Variants in CIC observed in about 807,000 individuals in gnomAD.
CIC encodes protein capicua homolog.
A neutral mutation model predicts 115.7 loss-of-function variants in CIC; 18 were observed. The ratio of observed to expected loss-of-function variants is 0.16; its 90% CI spans 0.11 to 0.23. The LOEUF (loss-of-function observed/expected upper bound fraction) is 0.23. Among genes scored for constraint, CIC ranks in the 10% least tolerant of loss-of-function variants. The pLI, the probability that CIC is intolerant of heterozygous loss-of-function variation, is 1.00. For missense variants in CIC, 2,000 were observed against 2,159.3 expected (o/e 0.93, Z 1.46); for synonymous variants, 1,076 against 923.0 (o/e 1.17, Z -3.01).
intron 19 of CIC, 23 bp from the exon 20 acceptor site, chr19:42,294,581 C>T (rs759117136): frequency 1.2e-6 from 2 of 1,612,544 alleles, no homozygotes; most frequent in South Asian, 2.2e-5. Context: ...GCAGCCTTGC[C>T]ATGCTGCCTG....
intron 1 of CIC, among the ~76,000 whole-genome samples, chr19:42,269,865 TG>T (rs1410474516): frequency 2.0e-5 from 3 of 151,570 alleles, no homozygotes; most frequent in African/African-American, 7.3e-5. Flanking sequence ...GGAGGGCTAA[TG>T]GGAACAGAGG....
chr19:42,283,381 G>T (rs1267474847), intron 2 of CIC, among the ~76,000 whole-genome samples: 1 of 152,130 alleles, frequency 6.6e-6, no homozygotes, highest in African/African-American at 2.4e-5. Context: ...ATGTGAACAG[G>T]ATGGGTGAAT....
chr19:42,295,697 G>C lies in CIC; in HGVS notation c.*506G>C. 4.3e-6 allele frequency: 1 copy of C among 231,698 alleles called. No homozygotes were observed. Among genetic ancestry groups the C allele is most frequent in the Non-Finnish European group, 8.5e-6 (1 of 117,220 alleles). The allele number at this position is 231,698 out of a possible 1,614,324, so 14.4% of individuals were successfully genotyped here. A position where few individuals can be genotyped will look rare whatever the true frequency, so the allele number is the denominator to read the frequency against. On this transcript the variant is annotated 3_prime_UTR_variant, in exon 21 of 21. Transcript: ENST00000681038. ...ACTTTCTAAGAAGGTGATTCCCCCT[G>C]CCCTTGCCCCCTTCCCCAGAACAAA...
rs2037498617 is a variant in CIC, at chr19:42,284,744, G to T, written c.2795-2027G>T. The T allele has an allele frequency of 1.9e-6, 3 of 1,557,264 alleles. No homozygotes were observed. In the East Asian group the frequency reaches 7.1e-5, roughly 37 times the overall value. On this transcript the variant is annotated intron_variant, in intron 2 of 20. Coordinates refer to ENST00000681038, the MANE Select transcript of CIC (RefSeq NM_001386298.1). ...CAGGCCCCTGATGCCCGCGTCCAGCGCGGCCTCCCGTGGCCTCGGCATGTT... is the reference window on the plus strand; with the variant it reads ...CAGGCCCCTGATGCCCGCGTCCAGCTCGGCCTCCCGTGGCCTCGGCATGTT...
intron 2 of CIC, among the ~76,000 whole-genome samples, chr19:42,283,806 A>C (rs924432030): frequency 6.6e-6 from 1 of 151,218 alleles, no homozygotes; most frequent in African/African-American, 2.4e-5. Context: ...CCTCCCTGCC[A>C]CCCTCCTACC....
chr19:42,272,333 G>T lies in CIC; in HGVS notation c.550G>T (p.Gly184Cys), dbSNP rs576057417. Reference sequence around the variant, plus strand: ...GGAGGATGAGCCGGCTGAGGCTTGTGGTCCAGGCCCTTGGCCCCCTGGCAG... The same window carrying T: ...GGAGGATGAGCCGGCTGAGGCTTGTTGTCCAGGCCCTTGGCCCCCTGGCAG... ...DLEDEPAEAC[G>C]PGPWPPGSTS... Residue 184 changes from glycine (G) to cysteine (C), a missense_variant, in exon 2 of 21, where the codon GGT (glycine) becomes TGT (cysteine). Coordinates refer to ENST00000681038, the MANE Select transcript of CIC (RefSeq NM_001386298.1). 8.5e-5 allele frequency: 34 copies of T among 398,546 alleles called. No homozygotes were observed. The highest frequency in any genetic ancestry group is 1.3e-3 in the Middle Eastern group (2 of 1,588). The allele number at this position is 398,546 out of a possible 1,614,324, so 24.7% of individuals were successfully genotyped here.
chr19:42,291,949 T>C (rs1309864025), intron 12 of CIC, 137 bp from the exon 13 acceptor site: 2 of 1,382,462 alleles, frequency 1.4e-6, no homozygotes, highest in Non-Finnish European at 2.0e-6. Flanking sequence ...CCTCTCACTG[T>C]CATCTTGCCC....
chr19:42,289,188 C>T lies in CIC; in HGVS notation c.3869C>T (p.Ser1290Phe). ...QALQELTQMV[S>F]GPASYSGPKP... is the part of the protein sequence containing the mutation. ...CTGCCACCTATCCTGCAGATGGTGT[C>T]TGGCCCTGCATCGTACTCTGGCCCA... Residue 1290 changes from serine to phenylalanine, a missense_variant, in exon 9 of 21, where the codon TCT (serine) becomes TTT (phenylalanine). Physicochemically the swap from Ser to Phe is radical, Grantham distance 155. Coordinates refer to ENST00000681038, the MANE Select transcript of CIC (RefSeq NM_001386298.1). The T allele has an allele frequency of 6.2e-7, 1 of 1,613,328 alleles. No homozygotes were observed. Among genetic ancestry groups the T allele is most frequent in the Non-Finnish European group, 8.5e-7 (1 of 1,180,028 alleles).
intron 10 of CIC, 40 bp downstream of exon 10, chr19:42,289,991 T>A (rs769682636): frequency 6.6e-7 from 1 of 1,512,250 alleles, no homozygotes; most frequent in Admixed American, 1.9e-5. Context: ...TCACACTCCC[T>A]CCTAAGCCAT....
chr19:42,278,536 C>T (rs2037082869), intron 2 of CIC, among the ~76,000 whole-genome samples: 1 of 152,176 alleles, frequency 6.6e-6, no homozygotes, highest in Admixed American at 6.5e-5. Context: ...GACTTCAGTC[C>T]TCGTCTGAGC....
chr19:42,291,689 C>T lies in CIC; in HGVS notation c.5557C>T (p.Leu1853=), dbSNP rs564295703. The T allele has an allele frequency of 6.2e-7, 1 of 1,613,036 alleles. No individual in the cohort carries two copies. The highest frequency in any genetic ancestry group is 1.3e-5 in the African/African-American group (1 of 75,040). ...RGGGAGQPLP[L]VSPPFSVPVQ... is the part of the protein sequence containing the mutation. ...TGGAGGGGCCGGCCAGCCACTGCCA[C>T]TGGTGAGCCCGCCCTTCTCAGTACC... The change falls in exon 12 of 21, where the codon CTG becomes TTG. Residue 1853 remains leucine (L), a synonymous_variant. Coordinates refer to ENST00000681038, the MANE Select transcript of CIC (RefSeq NM_001386298.1).
chr19:42,279,141 C>A lies in CIC; in HGVS notation c.2794+4564C>A, dbSNP rs555690222. ...GCAGTACCCACCAACTATGCTTGGG[C>A]AGGTGGGGAAAAAGAGGGGCCAAAG... On this transcript the variant is annotated intron_variant, in intron 2 of 20. Coordinates refer to ENST00000681038, the MANE Select transcript of CIC (RefSeq NM_001386298.1). Among the ~76,000 whole-genome samples the A allele has an allele frequency of 1.3e-5, 2 of 152,338 alleles. 1 individual carries two copies. The highest frequency in any genetic ancestry group is 1.3e-4 in the Admixed American group (2 of 15,294).
At position 42,287,075 on chromosome 19, in the gene CIC, G is replaced by A. The variant is rs755684058; in HGVS notation, c.3014G>A (p.Arg1005Gln). ...PGGTGSADPE[R>Q]PPGATCPESP... ...GGGACAGGGAGTGCTGACCCTGAGC[G>A]GCCCCCTGGAGCCACATGCCCTGAG... The change falls in exon 4 of 21, where the codon CGG (arginine) becomes CAG (glutamine). Residue 1005 changes from arginine (R) to glutamine (Q), a missense_variant. Arg to Gln is a conservative substitution (Grantham distance 43). Coordinates refer to ENST00000681038, the MANE Select transcript of CIC (RefSeq NM_001386298.1). This position sits in a 1 kb window ranked among gnomAD's most constrained non-coding sequence, Gnocchi z 8.7. 25 of 1,612,826 alleles carry A rather than the reference G, an allele frequency of 1.6e-5. No homozygotes were observed. The highest frequency in any genetic ancestry group is 4.5e-5 in the East Asian group (2 of 44,892).
Position 42,290,601 on chromosome 19 carries a change from A to G in CIC, c.4560A>G (p.Pro1520=), listed in dbSNP as rs1375015776. 1 of 1,613,728 alleles carries G rather than the reference A, an allele frequency of 6.2e-7. No homozygotes were observed. The highest frequency in any genetic ancestry group is 1.1e-5 in the South Asian group (1 of 91,082). The part of the protein sequence containing the change: ...KRPESVGGLE[P]PGPSVIAAPP... ...CCGAAAGTGTGGGTGGCCTGGAGCCACCAGGCCCCTCAGTCATCGCGGCCC... is the reference window on the plus strand; with the variant it reads ...CCGAAAGTGTGGGTGGCCTGGAGCCGCCAGGCCCCTCAGTCATCGCGGCCC... The change falls in exon 11 of 21, where the codon CCA becomes CCG. Residue 1520 remains proline (P), a synonymous_variant. Coordinates refer to ENST00000681038, the MANE Select transcript of CIC (RefSeq NM_001386298.1).
chr19:42,288,594 G>C (rs1172858516), intron 7 of CIC, among the ~76,000 whole-genome samples: 1 of 152,168 alleles, frequency 6.6e-6, no homozygotes, highest in Non-Finnish European at 1.5e-5. Flanking sequence ...TGAGGGAACC[G>C]AGGCTCAGGC....
chr19:42,293,156 G>A lies in CIC; in HGVS notation c.6397G>A (p.Glu2133Lys). ...GCCAACTGCCCCAGAGTCTGAGCTTGAGGGGCAGCCCACACCACCAGCCCC... is the reference window on the plus strand; with the variant it reads ...GCCAACTGCCCCAGAGTCTGAGCTTAAGGGGCAGCCCACACCACCAGCCCC... ...REPTAPESELEGQPTPPAPPP... is the reference protein window; with the variant it reads ...REPTAPESELKGQPTPPAPPP... Residue 2133 changes from glutamate to lysine, a missense_variant, in exon 16 of 21, where the codon GAG (glutamate) becomes AAG (lysine). This residue lies in a region of CIC where 1,466 missense variants were observed against 1,390.4 expected (regional missense o/e 1.05). Coordinates refer to ENST00000681038, the MANE Select transcript of CIC (RefSeq NM_001386298.1). 6.2e-7 allele frequency: 1 copy of A among 1,605,256 alleles called. No individual in the cohort carries two copies. Among genetic ancestry groups the A allele is most frequent in the Non-Finnish European group, 8.5e-7 (1 of 1,176,818 alleles).
intron 2 of CIC, among the ~76,000 whole-genome samples, chr19:42,286,359 G>A (rs368525423): frequency 6.6e-6 from 1 of 152,080 alleles, no homozygotes; most frequent in Admixed American, 6.5e-5. Flanking sequence ...GTTGGGCGGC[G>A]ACTGGGCTGC....
At position 42,289,108 on chromosome 19, in the gene CIC, C is replaced by A. The variant is rs370901176; in HGVS notation, c.3861+18C>A. On this transcript the variant is annotated intron_variant, in intron 8 of 20. Coordinates refer to ENST00000681038, the MANE Select transcript of CIC (RefSeq NM_001386298.1). ...TGACGCAGGTCTAGGGTGCAGGCCC[C>A]CTAGTGGGGGTGGGCAGGGAACCTG... is the stretch of plus-strand genomic sequence containing the variant. The A allele has an allele frequency of 4.5e-5, 72 of 1,613,302 alleles. No homozygotes were observed. In the African/African-American group the frequency reaches 8.4e-4, roughly 19 times the overall value.
At chr19:42,275,066 C>T (rs1389002061) in intron 2 of CIC, among the ~76,000 whole-genome samples, 2 of 152,206 alleles carry the variant, frequency 1.3e-5, no homozygotes, top group African/African-American at 2.4e-5. Flanking sequence ...CAGGAAAGTG[C>T]TATGATTATG....
Sources: allele counts gnomAD v4.1 joint callset (sites outside exome capture counted in the v4.1 genomes callset), GRCh38; gene constraint gnomAD v4.1.1; regional missense constraint gnomAD v4.1.1; non-coding constraint Gnocchi (gnomAD v3.1); transcripts MANE v1.5; gene names NCBI Gene and HGNC (gene_info 2026-07-23, HGNC 2026-07-21).